Variants in FBXL20 observed in about 807,000 individuals in gnomAD.
The protein encoded by FBXL20 is F-box/LRR-repeat protein 20.
A neutral mutation model predicts 64.0 loss-of-function variants in FBXL20; 11 were observed. The ratio of observed to expected loss-of-function variants is 0.17; its 90% CI spans 0.11 to 0.28. FBXL20 has a LOEUF of 0.28. Ranked by LOEUF, FBXL20 falls within the 10% of genes least tolerant of loss-of-function variation. The probability of loss-of-function intolerance (pLI) is 1.00; values close to 1 mark genes in which losing one functional copy is unlikely to be tolerated. For synonymous variants in FBXL20, 184 were observed against 189.0 expected (o/e 0.97, Z 0.22); for missense variants, 303 against 526.2 (o/e 0.58, Z 4.15).
At chr17:39,347,752 T>C (rs1442029790) in intron 1 of FBXL20, among the ~76,000 whole-genome samples, 3 of 152,216 alleles carry the variant, frequency 2.0e-5, no homozygotes, top group Admixed American at 6.5e-5. Context: ...GTTTTAGTCA[T>C]GGAGTCCTTG....
At chr17:39,393,100 C>T (rs540162674) in intron 1 of FBXL20, among the ~76,000 whole-genome samples, 2 of 151,914 alleles carry the variant, frequency 1.3e-5, no homozygotes, top group African/African-American at 4.8e-5. Context: ...ACCAGCCTGG[C>T]CAAAATGGCA....
At chr17:39,269,283 T>C (rs1260940305) in intron 11 of FBXL20, among the ~76,000 whole-genome samples, 1 of 151,964 alleles carries the variant, frequency 6.6e-6, no homozygotes, top group African/African-American at 2.4e-5. Flanking sequence ...AAGCTCTACC[T>C]CCCGGGTTCA....
intron 2 of FBXL20, among the ~76,000 whole-genome samples, chr17:39,320,983 T>A (rs1209740598): frequency 6.6e-6 from 1 of 152,218 alleles, no homozygotes. Flanking sequence ...CATATTTTTA[T>A]GATTGCATTT....
intron 1 of FBXL20, among the ~76,000 whole-genome samples, chr17:39,378,283 T>C (rs553646370): frequency 1.3e-5 from 2 of 152,132 alleles, no homozygotes; most frequent in Non-Finnish European, 2.9e-5. Context: ...AGAACTCTTA[T>C]AACCCAACAA....
At chr17:39,293,112 G>A (rs1408203417) in intron 6 of FBXL20, among the ~76,000 whole-genome samples, 2 of 151,828 alleles carry the variant, frequency 1.3e-5, no homozygotes, top group East Asian at 3.9e-4. Flanking sequence ...TACAATTTTT[G>A]ATTGAGTGAC....
At chr17:39,380,834 A>G (rs1597831517) in intron 1 of FBXL20, among the ~76,000 whole-genome samples, 1 of 152,216 alleles carries the variant, frequency 6.6e-6, no homozygotes, top group South Asian at 2.1e-4. Flanking sequence ...GAAAGAGAAA[A>G]CTCACCTGTA....
chr17:39,293,379 G>A lies in FBXL20; in HGVS notation c.398+3748C>T, dbSNP rs546973428. On this transcript the variant is annotated intron_variant, in intron 6 of 14. Transcript: ENST00000264658. ...TGAGATTACAGACACATGCTACCAC[G>A]GCCTGGCTAATTTTTGTATTTTTAG... Among the ~76,000 whole-genome samples, 123 of 149,726 alleles carry A rather than the reference G, an allele frequency of 8.2e-4. 1 individual carries two copies. The highest frequency in any genetic ancestry group is 2.8e-3 in the African/African-American group (115 of 40,774).
chr17:39,367,034 C>A (rs1481559660), intron 1 of FBXL20, among the ~76,000 whole-genome samples: 2 of 151,862 alleles, frequency 1.3e-5, no homozygotes, highest in African/African-American at 4.8e-5. Context: ...AGGCACCCAC[C>A]ACCACGCCCA....
At chr17:39,380,414 C>A (rs570640165) in intron 1 of FBXL20, among the ~76,000 whole-genome samples, 19 of 152,330 alleles carry the variant, frequency 1.2e-4, no homozygotes, top group East Asian at 7.7e-4. Flanking sequence ...CAGTAACCTA[C>A]CACTGTTCTT....
chr17:39,273,319 A>G (rs533077618), intron 10 of FBXL20, among the ~76,000 whole-genome samples: 3 of 152,262 alleles, frequency 2.0e-5, no homozygotes, highest in Non-Finnish European at 4.4e-5. Flanking sequence ...CCTGGCCACA[A>G]AAGTTCTTTC....
chr17:39,325,601 T>C (rs984109857), intron 2 of FBXL20, among the ~76,000 whole-genome samples: 1 of 152,034 alleles, frequency 6.6e-6, no homozygotes, highest in Non-Finnish European at 1.5e-5. Flanking sequence ...ATTTAGAAAA[T>C]GGATAGAAAC....
In FBXL20 at chr17:39,260,750, TG is replaced by T. The variant is rs1449911092; in HGVS notation, c.*709del. The stretch of plus-strand genomic sequence containing the variant: ...ACAGGTGACAGACTGAGCAAGAGTG[TG>T]GGGGGGAGCAACAGAGAATGTAAGA... On this transcript the variant is annotated 3_prime_UTR_variant, in exon 15 of 15. Transcript: ENST00000264658. The T allele has an allele frequency of 6.5e-6, 1 of 152,810 alleles. No individual in the cohort carries two copies. Among genetic ancestry groups the T allele is most frequent in the Non-Finnish European group, 1.5e-5 (1 of 68,208 alleles). 9.5% of individuals were successfully genotyped at this position (152,810 alleles called of 1,614,324 possible).
chr17:39,387,467 C>T (rs556771850), intron 1 of FBXL20, among the ~76,000 whole-genome samples: 3 of 151,944 alleles, frequency 2.0e-5, no homozygotes, highest in South Asian at 2.1e-4. Context: ...TTAGTAGAGA[C>T]GGGGTTTCAC....
At chr17:39,342,228 T>G (rs936162905) in intron 2 of FBXL20, among the ~76,000 whole-genome samples, 2 of 152,004 alleles carry the variant, frequency 1.3e-5, no homozygotes, top group Non-Finnish European at 2.9e-5. Flanking sequence ...GTAGGGCCAG[T>G]TACCAGAGTC....
intron 9 of FBXL20, among the ~76,000 whole-genome samples, chr17:39,275,485 C>T (rs1250555612): frequency 6.6e-6 from 1 of 151,992 alleles, no homozygotes; most frequent in African/African-American, 2.4e-5. Flanking sequence ...AATCTTGGCT[C>T]ACTGCAACCT....
chr17:39,358,699 C>CA (rs1220761145), intron 1 of FBXL20, among the ~76,000 whole-genome samples: 4 of 150,922 alleles, frequency 2.7e-5, no homozygotes, highest in South Asian at 4.2e-4. Context: ...AACAAAAAAA[C>CA]AAAAAAACAA....
chr17:39,293,043 T>G (rs1417843475), intron 6 of FBXL20, among the ~76,000 whole-genome samples: 4 of 152,192 alleles, frequency 2.6e-5, no homozygotes, highest in Middle Eastern at 3.4e-3. Context: ...TCCGCCCACC[T>G]TGGCCTCCCA....
At chr17:39,390,592 T>G (rs998523530) in intron 1 of FBXL20, among the ~76,000 whole-genome samples, 104 of 148,254 alleles carry the variant, frequency 7.0e-4, no homozygotes, top group African/African-American at 2.4e-3. Context: ...CCAGATATGG[T>G]GGCACCCACC....
chr17:39,343,981 A>G (rs1335057395), intron 1 of FBXL20, among the ~76,000 whole-genome samples: 4 of 152,110 alleles, frequency 2.6e-5, no homozygotes, highest in African/African-American at 7.2e-5. Context: ...CTCCTGCTTC[A>G]GCCTCCCAAG....
Sources: allele counts gnomAD v4.1 joint callset (sites outside exome capture counted in the v4.1 genomes callset), GRCh38; gene constraint gnomAD v4.1.1; transcripts MANE v1.5; gene names NCBI Gene and HGNC (gene_info 2026-07-23, HGNC 2026-07-21).